Variants in MISFA observed in about 807,000 individuals in gnomAD.
The protein encoded by MISFA is mitochondrial sheath formation-associated protein.
chr11:18,606,564 C>A, the MISFA span: 1 of 273,676 alleles, frequency 3.7e-6, no homozygotes, highest in South Asian at 3.3e-5. Flanking sequence ...GTGTAAAAGA[C>A]AGGATGGATT....
At chr11:18,601,282 A>G in the MISFA span, 1 of 398,224 alleles carries the variant, frequency 2.5e-6, no homozygotes, top group Non-Finnish European at 4.4e-6. Context: ...TCTGGAAAAT[A>G]TAATAAACTG....
At chr11:18,602,480 C>T in the MISFA span, 1 of 152,638 alleles carries the variant, frequency 6.6e-6, no homozygotes, top group African/African-American at 2.4e-5. Flanking sequence ...TTCTGTGCCT[C>T]ACTTTCTCCA....
At chr11:18,605,165 G>A in the MISFA span, among the ~76,000 whole-genome samples, 8 of 151,930 alleles carry the variant, frequency 5.3e-5, no homozygotes, top group South Asian at 6.2e-4. Flanking sequence ...GCTTGAACCC[G>A]GGAGGTGGGG....
the MISFA span, chr11:18,609,592 T>C: frequency 8.9e-6 from 4 of 448,740 alleles, no homozygotes; most frequent in Admixed American, 1.2e-4. Context: ...TTAGAGTGCA[T>C]AGCTCATCAG....
chr11:18,602,533 C>T, the MISFA span: 7 of 152,734 alleles, frequency 4.6e-5, no homozygotes, highest in African/African-American at 1.7e-4. Context: ...CCTTCTCTTC[C>T]CTTCTCAGGA....
At chr11:18,601,399 AT>A in the MISFA span, 1 of 394,150 alleles carries the variant, frequency 2.5e-6, no homozygotes, top group East Asian at 3.6e-5. Flanking sequence ...CCCATCTATT[AT>A]TTTTCTCCTC....
chr11:18,607,611 A>T, the MISFA span: 1 of 152,628 alleles, frequency 6.6e-6, no homozygotes, highest in Non-Finnish European at 1.5e-5. Context: ...AGTTTCTTCA[A>T]AGGTTTGTGA....
At chr11:18,602,742 C>T in the MISFA span, 134,739 of 176,324 alleles carry the variant, frequency 0.76, 51,596 homozygotes, top group Middle Eastern at 0.8. Context: ...AATAGTTAAA[C>T]ATTTTGGCAG....
At chr11:18,603,254 A>G in the MISFA span, 8 of 398,772 alleles carry the variant, frequency 2.0e-5, no homozygotes, top group African/African-American at 1.6e-4. Context: ...CCCGCCCCCA[A>G]AACAAACTAA....
chr11:18,601,243 C>T, the MISFA span: 1 of 398,348 alleles, frequency 2.5e-6, no homozygotes, highest in Non-Finnish European at 4.4e-6. Context: ...TGGTAGCACC[C>T]TGAAGTCTCA....
chr11:18,605,586 G>A, the MISFA span, among the ~76,000 whole-genome samples: 1 of 152,058 alleles, frequency 6.6e-6, no homozygotes, highest in Non-Finnish European at 1.5e-5. Flanking sequence ...AGTAATTTCT[G>A]ACTCTAGGAT....
At chr11:18,602,280 G>A in the MISFA span, 1 of 152,244 alleles carries the variant, frequency 6.6e-6, no homozygotes, top group African/African-American at 2.4e-5. Flanking sequence ...ATAATATACT[G>A]ATTACAGGAG....
the MISFA span, chr11:18,603,013 G>T: frequency 2.5e-6 from 1 of 396,660 alleles, no homozygotes; most frequent in Non-Finnish European, 4.4e-6. Context: ...GAGCTGCCAT[G>T]CTGGGCCATC....
At chr11:18,608,487 A>G in the MISFA span, 5 of 152,254 alleles carry the variant, frequency 3.3e-5, no homozygotes, top group Non-Finnish European at 7.3e-5. Flanking sequence ...TAAGATAGCC[A>G]AAACGTTTAT....
chr11:18,603,917 C>CTTTT, the MISFA span: 275 of 52,964 alleles, frequency 5.2e-3, 55 homozygotes, highest in Middle Eastern at 0.04. Flanking sequence ...AGTTACCGCA[C>CTTTT]TTTTTTTTTT....
At chr11:18,600,679 C>T in the MISFA span, among the ~76,000 whole-genome samples, 3 of 151,904 alleles carry the variant, frequency 2.0e-5, no homozygotes, top group Non-Finnish European at 4.4e-5. Flanking sequence ...CACCACCATG[C>T]TTGGCTAATT....
At chr11:18,606,887 G>A in the MISFA span, 1 of 345,512 alleles carries the variant, frequency 2.9e-6, no homozygotes, top group South Asian at 2.2e-5. Context: ...TTGACATGGA[G>A]TCTCGCTCTG....
At chr11:18,603,679 C>G in the MISFA span, 1 of 398,312 alleles carries the variant, frequency 2.5e-6, no homozygotes, top group Non-Finnish European at 4.4e-6. Context: ...GTAACCTCCC[C>G]TGCCAGTCCT....
chr11:18,601,708 C>T, the MISFA span: 227 of 394,468 alleles, frequency 5.8e-4, no homozygotes, highest in East Asian at 8.1e-3. Flanking sequence ...CCGTGCCTTG[C>T]CAGGACCAGC....
Sources: gnomAD v4.1 joint callset for allele counts (sites outside exome capture counted in the v4.1 genomes callset) on GRCh38, gnomAD v4.1.1 for gene constraint, MANE v1.5 for transcripts, NCBI Gene and HGNC (gene_info 2026-07-23, HGNC 2026-07-21) for gene names.